The following ME3 variants were observed in gnomAD, a reference collection of about 807,000 sequenced individuals.
ME3 encodes NADP-dependent malic enzyme, mitochondrial.
Under a neutral mutation model 68.9 loss-of-function variants are expected in ME3, and 48 were observed. The observed-to-expected ratio is 0.70, with a 90% confidence interval of 0.55 to 0.89. ME3 has a LOEUF of 0.89. ME3 is among the 40% of genes least tolerant of loss of function. ME3 has a pLI of 0.00. For missense variants in ME3, 675 were observed against 797.4 expected (o/e 0.85, Z 1.85); for synonymous variants, 320 against 318.8 (o/e 1.00, Z -0.04).
intron 7 of ME3, among the ~76,000 whole-genome samples, chr11:86,481,208 ATT>A (rs71040240): frequency 0.15 from 15,565 of 105,410 alleles, 1,091 homozygotes; most frequent in African/African-American, 0.24. Context: ...CACCCAGCTG[ATT>A]TTTTTTTTTT....
intron 2 of ME3, among the ~76,000 whole-genome samples, chr11:86,662,675 G>A (rs532285666): frequency 6.6e-6 from 1 of 152,180 alleles, no homozygotes; most frequent in Non-Finnish European, 1.5e-5. Flanking sequence ...TTGTGGTATT[G>A]TATTAAATGG....
At chr11:86,623,821 G>A (rs72957403) in intron 2 of ME3, among the ~76,000 whole-genome samples, 165 of 152,238 alleles carry the variant, frequency 1.1e-3, no homozygotes, top group South Asian at 3.1e-3. Flanking sequence ...GTGTGTTGTG[G>A]AACATACTTT....
intron 2 of ME3, among the ~76,000 whole-genome samples, chr11:86,579,184 A>G (rs1245745505): frequency 6.6e-6 from 1 of 152,166 alleles, no homozygotes; most frequent in Non-Finnish European, 1.5e-5. Context: ...TTGAACCGGT[A>G]TTCTTTATAC....
chr11:86,663,427 G>A (rs1396297503), intron 2 of ME3, among the ~76,000 whole-genome samples: 3 of 152,066 alleles, frequency 2.0e-5, no homozygotes, highest in Non-Finnish European at 4.4e-5. Flanking sequence ...CACTGACCTC[G>A]GCACACCCAA....
rs375985927 is a variant in ME3 at position 86,498,154 on chromosome 11, G to A, written c.544-30C>T. On this transcript the variant is annotated intron_variant, in intron 5 of 14. Coordinates refer to ENST00000543262, the Ensembl canonical transcript of ME3. Reference sequence around the variant, plus strand: ...AAAACAGCAGGGCACCATCAATCAGGGACAGCACTTCCTGTGACAGGGTGC... The same window carrying A: ...AAAACAGCAGGGCACCATCAATCAGAGACAGCACTTCCTGTGACAGGGTGC... The A allele has an allele frequency of 5.7e-6, 9 of 1,589,606 alleles. No individual in the cohort carries two copies. In the African/African-American group the frequency reaches 1.1e-4, roughly 19 times the overall value.
At chr11:86,656,628 T>G (rs1346141303) in intron 2 of ME3, among the ~76,000 whole-genome samples, 1 of 149,848 alleles carries the variant, frequency 6.7e-6, no homozygotes, top group Non-Finnish European at 1.5e-5. Flanking sequence ...GAGATAGCAT[T>G]AGGAGATATA....
chr11:86,620,359 C>T (rs1943268366), intron 2 of ME3, among the ~76,000 whole-genome samples: 1 of 152,162 alleles, frequency 6.6e-6, no homozygotes, highest in Non-Finnish European at 1.5e-5. Context: ...ATTTTCCCAG[C>T]TTGCTTTTAA....
At chr11:86,557,837 A>T (rs778517861) in intron 3 of ME3, among the ~76,000 whole-genome samples, 9 of 152,178 alleles carry the variant, frequency 5.9e-5, no homozygotes, top group Non-Finnish European at 1.2e-4. Context: ...GAAATCAGCC[A>T]TCGTACAAGT....
chr11:86,598,719 A>G (rs1174991090), intron 2 of ME3, among the ~76,000 whole-genome samples: 1 of 152,064 alleles, frequency 6.6e-6, no homozygotes, highest in Non-Finnish European at 1.5e-5. Flanking sequence ...GCAGACTAAC[A>G]CCTCACGCGG....
At chr11:86,661,334 A>G (rs148784481) in intron 2 of ME3, among the ~76,000 whole-genome samples, 5 of 152,358 alleles carry the variant, frequency 3.3e-5, no homozygotes, top group African/African-American at 4.8e-5. Context: ...GAAGCATGCC[A>G]AAGTTTTTAA....
chr11:86,512,676 A>G (rs1211603378), intron 4 of ME3, among the ~76,000 whole-genome samples: 1 of 152,150 alleles, frequency 6.6e-6, no homozygotes, highest in Non-Finnish European at 1.5e-5. Context: ...GCATGTGGAG[A>G]TGGTAGATGA....
intron 2 of ME3, among the ~76,000 whole-genome samples, chr11:86,642,115 G>A (rs1253789091): frequency 6.6e-6 from 1 of 152,200 alleles, no homozygotes; most frequent in Non-Finnish European, 1.5e-5. Flanking sequence ...GGTTCATGTT[G>A]CATGAACTCC....
intron 4 of ME3, among the ~76,000 whole-genome samples, chr11:86,519,126 A>G (rs1414282273): frequency 6.6e-6 from 1 of 152,178 alleles, no homozygotes; most frequent in African/African-American, 2.4e-5. Flanking sequence ...CAACCATCCA[A>G]TTTTTGTGTA....
At chr11:86,657,296 G>C (rs1214340326) in intron 2 of ME3, among the ~76,000 whole-genome samples, 1 of 152,108 alleles carries the variant, frequency 6.6e-6, no homozygotes, top group Admixed American at 6.5e-5. Flanking sequence ...CCATAAAAAA[G>C]AATGAGATTG....
At chr11:86,504,081 A>G (rs1952902316) in intron 5 of ME3, among the ~76,000 whole-genome samples, 1 of 152,084 alleles carries the variant, frequency 6.6e-6, no homozygotes. Flanking sequence ...ATCGCAGCCT[A>G]CTTTTCTTAC....
chr11:86,590,026 G>C (rs1157820410), intron 2 of ME3, among the ~76,000 whole-genome samples: 1 of 152,102 alleles, frequency 6.6e-6, no homozygotes, highest in Non-Finnish European at 1.5e-5. Flanking sequence ...AACTTACTCA[G>C]CACTTTATAT....
chr11:86,586,682 C>A (rs983502984), intron 2 of ME3, among the ~76,000 whole-genome samples: 1 of 152,034 alleles, frequency 6.6e-6, no homozygotes, highest in African/African-American at 2.4e-5. Context: ...CAAATAGGAG[C>A]AGAGAAACAG....
At chr11:86,493,641 C>G (rs1952130728) in intron 6 of ME3, among the ~76,000 whole-genome samples, 1 of 152,238 alleles carries the variant, frequency 6.6e-6, no homozygotes, top group Admixed American at 6.5e-5. Flanking sequence ...TGAGCAGGCG[C>G]TCCCTTCCCC....
intron 4 of ME3, 130 bp from the exon 5 acceptor site, chr11:86,508,997 G>C: frequency 1.4e-6 from 1 of 713,640 alleles, no homozygotes; most frequent in Non-Finnish European, 2.4e-6. Context: ...ATTCCTGCCC[G>C]AGGCCCCAGC....
Sources: gnomAD v4.1 joint callset for allele counts (sites outside exome capture counted in the v4.1 genomes callset) on GRCh38, gnomAD v4.1.1 for gene constraint, MANE v1.5 for transcripts, NCBI Gene and HGNC (gene_info 2026-07-23, HGNC 2026-07-21) for gene names.